The following CTNNA2 variants were observed in gnomAD, a reference collection of about 807,000 sequenced individuals.
CTNNA2 encodes the protein catenin alpha-2.
CTNNA2 carries 42 observed loss-of-function variants against 101.0 expected under a neutral mutation model. That is an observed-to-expected ratio of 0.42 (90% CI 0.32 to 0.54). CTNNA2 has a LOEUF of 0.54. CTNNA2 is among the 20% of genes least tolerant of loss of function. The probability of loss-of-function intolerance (pLI) is 0.14; values close to 1 mark genes in which losing one functional copy is unlikely to be tolerated. For missense variants in CTNNA2, 871 were observed against 1,223.1 expected (o/e 0.71, Z 4.29); for synonymous variants, 450 against 456.4 (o/e 0.99, Z 0.18).
At chr2:79,798,314 C>CTAAG (rs1166850584) in intron 3 of CTNNA2, among the ~76,000 whole-genome samples, 4 of 152,154 alleles carry the variant, frequency 2.6e-5, no homozygotes, top group African/African-American at 9.7e-5. Context: ...CATCACTATA[C>CTAAG]TAAGGTCCAT....
At position 80,033,886 on chromosome 2, in the gene CTNNA2, C is replaced by G. The variant is rs547362242; in HGVS notation, c.1056+124089C>G. 3.6e-3 allele frequency among the ~76,000 whole-genome samples: 533 copies of G among 149,654 alleles called. 4 individuals are homozygous for G. Among genetic ancestry groups the G allele is most frequent in the African/African-American group, 0.013 (514 of 40,806 alleles). On this transcript the variant is annotated intron_variant, in intron 7 of 18. Coordinates refer to ENST00000402739, the MANE Select transcript of CTNNA2 (RefSeq NM_001282597.3). Reference sequence around the variant, plus strand: ...ATCATTCAGTAAAAATTGTAGCAGTCTGCAACAAAAACATAAAATTACTGT... The same window carrying G: ...ATCATTCAGTAAAAATTGTAGCAGTGTGCAACAAAAACATAAAATTACTGT...
chr2:79,986,228 G>A (rs576007875), intron 7 of CTNNA2, among the ~76,000 whole-genome samples: 5 of 152,158 alleles, frequency 3.3e-5, no homozygotes, highest in Non-Finnish European at 7.4e-5. Context: ...TTAATGAGCT[G>A]AATAGTGGAA....
intron 7 of CTNNA2, among the ~76,000 whole-genome samples, chr2:80,156,507 A>G (rs1704004921): frequency 6.6e-6 from 1 of 152,218 alleles, no homozygotes; most frequent in African/African-American, 2.4e-5. Context: ...GTGCCTGGGC[A>G]GGTGCTCCAT....
At chr2:80,519,649 G>A (rs984646691) in intron 9 of CTNNA2, among the ~76,000 whole-genome samples, 4 of 152,236 alleles carry the variant, frequency 2.6e-5, no homozygotes, top group African/African-American at 9.6e-5. Context: ...TGAATTCCAC[G>A]TCCTAGAAAT....
At chr2:79,699,650 T>C (rs1282945774) in intron 2 of CTNNA2, among the ~76,000 whole-genome samples, 2 of 151,548 alleles carry the variant, frequency 1.3e-5, no homozygotes, top group African/African-American at 4.8e-5. Context: ...CCCTCCATGT[T>C]AGACATCCCA....
chr2:79,887,039 A>G (rs1334158162), intron 6 of CTNNA2, among the ~76,000 whole-genome samples: 2 of 151,534 alleles, frequency 1.3e-5, no homozygotes, highest in African/African-American at 4.8e-5. Flanking sequence ...CTGGTCTTGA[A>G]CTCCTGAACT....
chr2:80,422,305 C>A (rs1251945927), intron 9 of CTNNA2, among the ~76,000 whole-genome samples: 5 of 152,134 alleles, frequency 3.3e-5, no homozygotes, highest in Admixed American at 3.3e-4. Flanking sequence ...TGGGGAAAAC[C>A]ACCTCCACGA....
chr2:79,741,082 A>AG (rs11378350), intron 2 of CTNNA2, among the ~76,000 whole-genome samples: 68,526 of 151,866 alleles, frequency 0.45, 17,719 homozygotes, highest in African/African-American at 0.72. Flanking sequence ...ACGGCAACTC[A>AG]GGGGAAGGAG....
chr2:79,258,142 G>A (rs1674872918), intron 2 of CTNNA2, among the ~76,000 whole-genome samples: 1 of 152,114 alleles, frequency 6.6e-6, no homozygotes, highest in Admixed American at 6.5e-5. Context: ...TGAGCTACTG[G>A]GGTTAAGACT....
At chr2:79,506,444 A>C (rs1018406452) in intron 5 of CTNNA2, among the ~76,000 whole-genome samples, 3 of 152,154 alleles carry the variant, frequency 2.0e-5, no homozygotes, top group Non-Finnish European at 2.9e-5. Context: ...TGGACCATGG[A>C]GTCAGACTGC....
rs2104323305 is a variant in CTNNA2, at chr2:79,909,783, G to A, written c.1042G>A (p.Glu348Lys). 1 of 1,607,850 alleles carries A rather than the reference G, an allele frequency of 6.2e-7. No individual in the cohort carries two copies. The highest frequency in any genetic ancestry group is 8.5e-7 in the Non-Finnish European group (1 of 1,175,928). The change falls in exon 7 of 19, where the codon GAG becomes AAG. Residue 348 changes from glutamate to lysine, a missense_variant. By Grantham distance (56) the Glu-to-Lys change is moderately conservative. Coordinates refer to ENST00000402739, the MANE Select transcript of CTNNA2 (RefSeq NM_001282597.3). ...GCAGGCGCTCCAGGACCTGCTCAGC[G>A]AGTACATGAATAATGTAAGTCTTGG... ...VRQALQDLLS[E>K]YMNNTGRKEK...
At position 80,302,840 on chromosome 2, in the gene CTNNA2, G is replaced by C. The variant is rs1428564349; in HGVS notation, c.1057-90371G>C. On this transcript the variant is annotated intron_variant, in intron 7 of 18. Coordinates refer to ENST00000402739, the MANE Select transcript of CTNNA2 (RefSeq NM_001282597.3). This position sits in a 1 kb window ranked among gnomAD's most constrained non-coding sequence, Gnocchi z 6.4. ...GCGCCCCTGGAAGTTGTTGAGCCAC[G>C]AGGCTAGGGCACACACGTTGCGCCC... 6.2e-7 allele frequency: 1 copy of C among 1,613,972 alleles called. No homozygotes were observed. The highest frequency in any genetic ancestry group is 8.5e-7 in the Non-Finnish European group (1 of 1,180,054).
chr2:79,405,573 A>G (rs1573150118), intron 4 of CTNNA2, among the ~76,000 whole-genome samples: 1 of 151,850 alleles, frequency 6.6e-6, no homozygotes, highest in South Asian at 2.1e-4. Flanking sequence ...TGATCTGCCC[A>G]CCTCAGCCTC....
At chr2:79,575,714 G>A (rs901455521) in intron 1 of CTNNA2, 3 of 152,180 alleles carry the variant, frequency 2.0e-5, no homozygotes, top group African/African-American at 7.2e-5. Context: ...CTAAGTGCAT[G>A]CAAAGTGTAG....
chr2:79,790,156 C>T (rs897932122), intron 3 of CTNNA2, among the ~76,000 whole-genome samples: 3 of 152,156 alleles, frequency 2.0e-5, no homozygotes, highest in Non-Finnish European at 2.9e-5. Context: ...CAATATCTTA[C>T]GTAGAATTTG....
At chr2:79,797,866 G>A (rs1675844334) in intron 3 of CTNNA2, among the ~76,000 whole-genome samples, 1 of 151,412 alleles carries the variant, frequency 6.6e-6, no homozygotes, top group Admixed American at 6.6e-5. Context: ...TCTCTGGGGT[G>A]GATTTTATTA....
chr2:80,047,865 C>T (rs746855531), intron 7 of CTNNA2, among the ~76,000 whole-genome samples: 31 of 152,158 alleles, frequency 2.0e-4, no homozygotes, highest in Non-Finnish European at 1.0e-4. Flanking sequence ...TGAGGGACAA[C>T]AACCAGATGC....
intron 2 of CTNNA2, among the ~76,000 whole-genome samples, chr2:79,716,828 T>C (rs1308455769): frequency 6.6e-6 from 1 of 151,724 alleles, no homozygotes; most frequent in Non-Finnish European, 1.5e-5. Context: ...GGGAAAAAAA[T>C]AAGATGTACA....
intron 7 of CTNNA2, among the ~76,000 whole-genome samples, chr2:80,046,488 C>T (rs1696533381): frequency 6.6e-6 from 1 of 152,088 alleles, no homozygotes; most frequent in East Asian, 1.9e-4. Context: ...CTGCCTGGAT[C>T]CAGTTTTTCA....
Sources: allele counts gnomAD v4.1 joint callset (sites outside exome capture counted in the v4.1 genomes callset), GRCh38; gene constraint gnomAD v4.1.1; non-coding constraint Gnocchi (gnomAD v3.1); transcripts MANE v1.5; gene names NCBI Gene and HGNC (gene_info 2026-07-23, HGNC 2026-07-21).